Variants in MYBPC1 observed in about 807,000 individuals in gnomAD.
The protein encoded by MYBPC1 is myosin-binding protein C, slow-type.
A neutral mutation model predicts 147.1 loss-of-function variants in MYBPC1; 52 were observed. That is an observed-to-expected ratio of 0.35 (90% CI 0.28 to 0.45). MYBPC1 has a LOEUF of 0.45. Ranked by LOEUF, MYBPC1 falls within the 20% of genes least tolerant of loss-of-function variation. The pLI is 1.00. For missense variants in MYBPC1, 1,228 were observed against 1,440.3 expected (o/e 0.85, Z 2.39); for synonymous variants, 477 against 475.9 (o/e 1.00, Z -0.03).
At position 101,644,750 on chromosome 12, in the gene MYBPC1, G is replaced by A; in HGVS notation, c.919G>A (p.Glu307Lys). ...TGTGGAGCTGGCAGATCCAAAGTTG[G>A]AGGTGAAATGGTATAAAAATGGTCA... The part of the protein sequence containing the change: ...FVVELADPKL[E>K]VKWYKNGQEI... The change falls in exon 12 of 32, where the codon GAG becomes AAG. Residue 307 changes from glutamate to lysine, a missense_variant. Physicochemically the swap from Glu to Lys is moderately conservative, Grantham distance 56. Transcript: ENST00000361466. 6.2e-7 allele frequency: 1 copy of A among 1,614,102 alleles called. No individual in the cohort carries two copies. Among genetic ancestry groups the A allele is most frequent in the Non-Finnish European group, 8.5e-7 (1 of 1,179,968 alleles).
chr12:101,664,086 A>G (rs1224402327), intron 22 of MYBPC1, among the ~76,000 whole-genome samples: 1 of 152,230 alleles, frequency 6.6e-6, no homozygotes, highest in Non-Finnish European at 1.5e-5. Flanking sequence ...CCTCGAGTGT[A>G]TAAGAAATAA....
intron 9 of MYBPC1, among the ~76,000 whole-genome samples, chr12:101,635,117 A>T (rs982304007): frequency 6.6e-6 from 1 of 152,208 alleles, no homozygotes; most frequent in Admixed American, 6.5e-5. Flanking sequence ...TGGCATTAAG[A>T]ATACTACAGA....
intron 11 of MYBPC1, among the ~76,000 whole-genome samples, chr12:101,643,534 G>A (rs184337112): frequency 2.2e-4 from 33 of 152,126 alleles, no homozygotes; most frequent in Admixed American, 6.5e-4. Context: ...ATTTTATCTT[G>A]TTAAAATATG....
chr12:101,636,967 A>AT (rs952333274), intron 10 of MYBPC1: 270 of 264,078 alleles, frequency 1.0e-3, no homozygotes, highest in East Asian at 1.4e-3. Context: ...CTCTTCACCT[A>AT]TTTTTTTTTA....
At chr12:101,647,821 A>G (rs1893540092) in intron 13 of MYBPC1, among the ~76,000 whole-genome samples, 1 of 152,176 alleles carries the variant, frequency 6.6e-6, no homozygotes, top group Admixed American at 6.6e-5. Context: ...TAGGGGGTGG[A>G]GGTTACATTA....
At chr12:101,643,520 G>T (rs542746977) in intron 11 of MYBPC1, among the ~76,000 whole-genome samples, 1 of 152,152 alleles carries the variant, frequency 6.6e-6, no homozygotes, top group South Asian at 2.1e-4. Flanking sequence ...AAAAGCTAGG[G>T]TTTATTTTAT....
At chr12:101,616,640 A>G (rs989189655) in intron 2 of MYBPC1, among the ~76,000 whole-genome samples, 1 of 152,206 alleles carries the variant, frequency 6.6e-6, no homozygotes, top group Non-Finnish European at 1.5e-5. Flanking sequence ...GATGGTCTCA[A>G]CTGGTAGAAT....
rs927072007 is a variant in MYBPC1 at position 101,677,031 on chromosome 12, G to A, written c.2950-204G>A. 3.3e-5 allele frequency among the ~76,000 whole-genome samples: 5 copies of A among 152,238 alleles called. No individual in the cohort carries two copies. In the East Asian group the frequency reaches 5.8e-4, roughly 18 times the overall value. On this transcript the variant is annotated intron_variant, in intron 26 of 31. Transcript: ENST00000361466. ...TGAAGATTAAATTACATAGTCAATT[G>A]CAAATAAGTTGTGAAATATTAAACA...
chr12:101,645,372 T>C (rs558607393), intron 12 of MYBPC1, among the ~76,000 whole-genome samples: 3 of 152,252 alleles, frequency 2.0e-5, no homozygotes, highest in Non-Finnish European at 4.4e-5. Flanking sequence ...AAAGACAGAC[T>C]AATCCCTGAC....
intron 1 of MYBPC1, among the ~76,000 whole-genome samples, chr12:101,604,669 TG>T (rs1881441134): frequency 1.3e-5 from 2 of 152,226 alleles, no homozygotes; most frequent in African/African-American, 4.8e-5. Context: ...TGTGACACCC[TG>T]AGGGCCCAAA....
chr12:101,673,432 A>T lies in MYBPC1; in HGVS notation c.2619A>T (p.Lys873Asn). The change falls in exon 25 of 32, where the codon AAA (lysine) becomes AAT (asparagine). Residue 873 changes from lysine (K) to asparagine (N), a missense_variant. Around this residue, in one of 2 missense-constraint regions of MYBPC1, gnomAD observed 1,077 missense variants for 1,314.2 expected, o/e 0.82. Coordinates refer to ENST00000361466, the MANE Select transcript of MYBPC1 (RefSeq NM_002465.4). ...AVNLVIPFQG[K>N]PRPELTWKKD... ...TTTGCTGTCTTTCTTTTTAGGGAAA[A>T]CCAAGACCAGAATTAACTTGGAAGA... The T allele has an allele frequency of 7.4e-6, 12 of 1,612,456 alleles. No homozygotes were observed. The highest frequency in any genetic ancestry group is 8.5e-6 in the Non-Finnish European group (10 of 1,179,902).
intron 6 of MYBPC1, 45 bp downstream of exon 6, chr12:101,629,589 T>A: frequency 1.4e-6 from 2 of 1,421,474 alleles, no homozygotes; most frequent in Non-Finnish European, 2.0e-6. Flanking sequence ...AAAATTAAGG[T>A]GAGCCGAGCA....
chr12:101,599,251 C>T (rs1446208550), intron 1 of MYBPC1, among the ~76,000 whole-genome samples: 1 of 152,152 alleles, frequency 6.6e-6, no homozygotes, highest in Non-Finnish European at 1.5e-5. Flanking sequence ...TCATCTTATC[C>T]ATCTTGGTCT....
chr12:101,651,182 CT>C (rs1179623237), intron 15 of MYBPC1, 48 bp from the exon 16 acceptor site: 1 of 1,608,338 alleles, frequency 6.2e-7, no homozygotes, highest in South Asian at 1.1e-5. Context: ...CCATCTTGGC[CT>C]GTTGGGAGTT....
intron 21 of MYBPC1, 32 bp downstream of exon 21, chr12:101,662,578 G>C: frequency 1.2e-6 from 2 of 1,607,348 alleles, no homozygotes; most frequent in Middle Eastern, 1.7e-4. Context: ...TTTGTCATCA[G>C]AATCATTGCC....
At chr12:101,631,010 G>C (rs771589136) in intron 6 of MYBPC1, among the ~76,000 whole-genome samples, 1 of 151,972 alleles carries the variant, frequency 6.6e-6, no homozygotes, top group Non-Finnish European at 1.5e-5. Flanking sequence ...TGAAATGCTG[G>C]GCTGGAAGCT....
intron 9 of MYBPC1, among the ~76,000 whole-genome samples, chr12:101,634,945 C>A (rs1890702176): frequency 6.6e-6 from 1 of 152,190 alleles, no homozygotes. Context: ...CGCAAAGAGA[C>A]TCATTTCATT....
intron 1 of MYBPC1, among the ~76,000 whole-genome samples, chr12:101,604,716 T>A (rs557094923): frequency 1.3e-5 from 2 of 152,296 alleles, no homozygotes; most frequent in East Asian, 3.9e-4. Flanking sequence ...TCATATTGAT[T>A]TGTATTTTGA....
intron 2 of MYBPC1, 108 bp from the exon 3 acceptor site, chr12:101,617,094 C>T (rs1291634493): frequency 2.1e-6 from 2 of 934,758 alleles, no homozygotes; most frequent in Non-Finnish European, 3.4e-6. Context: ...CATTTATGAC[C>T]TGTTCTGCTG....
Sources: gnomAD v4.1 joint callset for allele counts (sites outside exome capture counted in the v4.1 genomes callset) on GRCh38, gnomAD v4.1.1 for gene constraint, gnomAD v4.1.1 regional missense constraint, MANE v1.5 for transcripts, NCBI Gene and HGNC (gene_info 2026-07-23, HGNC 2026-07-21) for gene names.